DENND1B: variants seen among roughly 807,000 people sequenced by gnomAD.
DENND1B encodes the protein DENN domain containing 1B.
DENND1B carries 59 observed loss-of-function variants against 90.1 expected under a neutral mutation model. The observed-to-expected ratio is 0.65, with a 90% CI of 0.53 to 0.81. DENND1B has a LOEUF of 0.81. Ranked by LOEUF, DENND1B falls within the 40% of genes least tolerant of loss-of-function variation. The pLI is 0.00. For synonymous variants in DENND1B, 337 were observed against 324.6 expected, an observed-to-expected ratio of 1.04 and a Z score of -0.41; for missense variants, 862 against 912.6, an observed-to-expected ratio of 0.94 and a Z score of 0.71.
intron 14 of DENND1B, among the ~76,000 whole-genome samples, chr1:197,586,668 T>G (rs1043307217): frequency 6.6e-6 from 1 of 152,246 alleles, no homozygotes; most frequent in African/African-American, 2.4e-5. Flanking sequence ...TTCTGTAGTA[T>G]TCCTACTGGA....
At chr1:197,593,307 G>A (rs1675398882) in intron 14 of DENND1B, among the ~76,000 whole-genome samples, 1 of 147,676 alleles carries the variant, frequency 6.8e-6, no homozygotes, top group South Asian at 2.1e-4. Flanking sequence ...TTCATTCAAA[G>A]ACTGAGTCAG....
At chr1:197,671,190 T>C (rs1278350822) in intron 5 of DENND1B, among the ~76,000 whole-genome samples, 1 of 152,180 alleles carries the variant, frequency 6.6e-6, no homozygotes, top group Admixed American at 6.6e-5. Context: ...TTCTAAGAAA[T>C]CCAGTTTGAC....
At chr1:197,606,736 C>G (rs1430329692) in intron 13 of DENND1B, 2 of 173,502 alleles carry the variant, frequency 1.2e-5, no homozygotes, top group African/African-American at 4.8e-5. Context: ...CATTCTTTTG[C>G]AAGACATGCC....
chr1:197,567,006 G>T (rs1023264723), intron 15 of DENND1B, among the ~76,000 whole-genome samples: 1 of 151,970 alleles, frequency 6.6e-6, no homozygotes, highest in Non-Finnish European at 1.5e-5. Flanking sequence ...AATAGTGACA[G>T]TAAATAAAGA....
intron 18 of DENND1B, 104 bp downstream of exon 18, chr1:197,545,818 T>C (rs897462773): frequency 9.8e-7 from 1 of 1,022,116 alleles, no homozygotes; most frequent in African/African-American, 1.7e-5. Context: ...TTTTTAGGTT[T>C]ATTTAAAAGA....
chr1:197,604,077 A>G (rs1676445288), intron 13 of DENND1B, among the ~76,000 whole-genome samples: 1 of 151,324 alleles, frequency 6.6e-6, no homozygotes, highest in South Asian at 2.1e-4. Flanking sequence ...CTAAAAAATA[A>G]AGTCACAATA....
intron 10 of DENND1B, among the ~76,000 whole-genome samples, chr1:197,622,703 T>C (rs16841829): frequency 0.011 from 1,740 of 151,520 alleles, 51 homozygotes; most frequent in Admixed American, 0.063. Flanking sequence ...GATAAGATCA[T>C]TGATACAAAT....
At chr1:197,603,164 A>G (rs1179335097) in intron 13 of DENND1B, among the ~76,000 whole-genome samples, 1 of 151,430 alleles carries the variant, frequency 6.6e-6, no homozygotes, top group Non-Finnish European at 1.5e-5. Flanking sequence ...ATTTTCCAAT[A>G]GTATTATATT....
At chr1:197,511,403 T>C (rs1004403129) in intron 22 of DENND1B, among the ~76,000 whole-genome samples, 5 of 151,756 alleles carry the variant, frequency 3.3e-5, no homozygotes, top group Admixed American at 6.6e-5. Flanking sequence ...TCAGGAAATA[T>C]GGGGAAAAAG....
intron 14 of DENND1B, among the ~76,000 whole-genome samples, chr1:197,584,633 A>T (rs1305593538): frequency 6.6e-6 from 1 of 152,238 alleles, no homozygotes; most frequent in African/African-American, 2.4e-5. Flanking sequence ...TCATAATAAA[A>T]ATGTCATTAC....
At chr1:197,534,162 T>C (rs1669712904) in intron 20 of DENND1B, among the ~76,000 whole-genome samples, 1 of 152,152 alleles carries the variant, frequency 6.6e-6, no homozygotes, top group Admixed American at 6.5e-5. Flanking sequence ...TTAAAAGAAT[T>C]TGGATACTTG....
At chr1:197,668,978 G>A (rs1445277559) in intron 5 of DENND1B, among the ~76,000 whole-genome samples, 1 of 151,926 alleles carries the variant, frequency 6.6e-6, no homozygotes, top group Non-Finnish European at 1.5e-5. Context: ...GCAATGCTGA[G>A]CATCATGCAT....
At chr1:197,544,696 A>T (rs898500078) in intron 18 of DENND1B, among the ~76,000 whole-genome samples, 1 of 140,584 alleles carries the variant, frequency 7.1e-6, no homozygotes, top group Non-Finnish European at 1.6e-5. Context: ...GGAAAGAAGA[A>T]GATGAAGATG....
chr1:197,583,513 T>C (rs189832913), intron 14 of DENND1B, among the ~76,000 whole-genome samples: 49 of 152,244 alleles, frequency 3.2e-4, no homozygotes, highest in Admixed American at 1.2e-3. Flanking sequence ...CCCCTAAAAA[T>C]AAAGATTTGA....
At chr1:197,754,256 G>A (rs1286862243) in intron 2 of DENND1B, among the ~76,000 whole-genome samples, 5 of 151,976 alleles carry the variant, frequency 3.3e-5, no homozygotes, top group Non-Finnish European at 5.9e-5. Flanking sequence ...ATATCTTTTC[G>A]GAAAGGCAAT....
chr1:197,591,538 A>G (rs557424288), intron 14 of DENND1B, among the ~76,000 whole-genome samples: 1 of 152,214 alleles, frequency 6.6e-6, no homozygotes, highest in East Asian at 1.9e-4. Flanking sequence ...TAAGACAAAG[A>G]AGGGAAGAGA....
At chr1:197,645,235 G>A (rs1027178008) in intron 9 of DENND1B, among the ~76,000 whole-genome samples, 9 of 151,954 alleles carry the variant, frequency 5.9e-5, no homozygotes, top group Non-Finnish European at 1.3e-4. Flanking sequence ...GTTCATCTAC[G>A]ATTTGAAGCA....
chr1:197,621,064 T>C (rs542220717), intron 10 of DENND1B, among the ~76,000 whole-genome samples: 1 of 151,158 alleles, frequency 6.6e-6, no homozygotes, highest in Non-Finnish European at 1.5e-5. Flanking sequence ...GAGAACATGC[T>C]TGGCATCTTC....
chr1:197,747,496 C>A (rs554464986), intron 2 of DENND1B: 15 of 238,536 alleles, frequency 6.3e-5, no homozygotes, highest in South Asian at 6.3e-4. Flanking sequence ...CATCTTAAGA[C>A]CCCGTCAGAA....
Sources: allele counts gnomAD v4.1 joint callset (sites outside exome capture counted in the v4.1 genomes callset), GRCh38; gene constraint gnomAD v4.1.1; transcripts MANE v1.5; gene names NCBI Gene and HGNC (gene_info 2026-07-23, HGNC 2026-07-21).